TRIM6: variants seen among roughly 807,000 people sequenced by gnomAD.
TRIM6 encodes tripartite motif-containing protein 6.
TRIM6 carries 43 observed loss-of-function variants against 51.2 expected under a neutral mutation model. The ratio of observed to expected loss-of-function variants is 0.84; its 90% confidence interval spans 0.66 to 1.08. TRIM6 has a LOEUF of 1.08. Among genes scored for constraint, TRIM6 ranks in the 50% least tolerant of loss-of-function variants. TRIM6 has a pLI of 0.00. For synonymous variants in TRIM6, 215 were observed against 232.4 expected (o/e 0.93, Z 0.68); for missense variants, 669 against 619.0 (o/e 1.08, Z -0.86).
chr11:5,602,732 T>G (rs1052212882), intron 1 of TRIM6, among the ~76,000 whole-genome samples: 1 of 151,524 alleles, frequency 6.6e-6, no homozygotes, highest in Non-Finnish European at 1.5e-5. Flanking sequence ...GGCAGGAGCA[T>G]CACTTAAGGT....
Position 5,611,079 on chromosome 11 carries a change from TG to T in TRIM6, c.1291del (p.Val431Ter). ...YSRYQPQSGY[W>X]VIGLQHNHEY... is the part of the protein sequence containing the mutation. Reference sequence around the variant, plus strand: ...CAGGTATCAGCCTCAGAGTGGATACTGGGTGATTGGGTTACAGCATAACCAT... The same window carrying T: ...CAGGTATCAGCCTCAGAGTGGATACTGGTGATTGGGTTACAGCATAACCAT... On this transcript the variant is annotated frameshift_variant, in exon 8 of 8. Coordinates refer to ENST00000380097, the MANE Select transcript of TRIM6 (RefSeq NM_001003818.3). LOFTEE classifies it high-confidence loss of function. 1 of 1,614,214 alleles carries T rather than the reference TG, an allele frequency of 6.2e-7. No individual in the cohort carries two copies. Among genetic ancestry groups the T allele is most frequent in the Non-Finnish European group, 8.5e-7 (1 of 1,180,036 alleles).
chr11:5,603,518 G>T lies in TRIM6; in HGVS notation c.290G>T (p.Arg97Leu). The T allele has an allele frequency of 6.2e-7, 1 of 1,614,078 alleles. No individual in the cohort carries two copies. The highest frequency in any genetic ancestry group is 8.5e-7 in the Non-Finnish European group (1 of 1,180,024). Residue 97 changes from arginine (R) to leucine (L), a missense_variant, in exon 2 of 8, where the codon CGG (arginine) becomes CTG (leucine). Coordinates refer to ENST00000380097, the MANE Select transcript of TRIM6 (RefSeq NM_001003818.3). Reference protein sequence around the residue: ...CQTSYQPGNLRPNRHLANIVR... With the variant: ...CQTSYQPGNLLPNRHLANIVR... ...ACCAGCTACCAGCCAGGGAACCTGC[G>T]GCCTAATCGGCATCTGGCCAACATA...
intron 4 of TRIM6, 148 bp downstream of exon 4, chr11:5,605,715 T>G: frequency 1.0e-6 from 1 of 995,620 alleles, no homozygotes; most frequent in Non-Finnish European, 1.4e-6. Flanking sequence ...ATTAAACTGT[T>G]TAGAGGTATG....
At chr11:5,597,540 A>T (rs74926539) in intron 1 of TRIM6, among the ~76,000 whole-genome samples, 4,266 of 151,556 alleles carry the variant, frequency 0.028, 84 homozygotes, top group South Asian at 0.098. Flanking sequence ...ACACAAAGAT[A>T]AAAAAAAATG....
In TRIM6 at chr11:5,610,240, G is replaced by T. The variant is rs113634625; in HGVS notation, c.953G>T (p.Cys318Phe). Residue 318 changes from cysteine (C) to phenylalanine (F), a missense_variant, in exon 6 of 8, where the codon TGT (cysteine) becomes TTT (phenylalanine). Cys to Phe is a radical substitution (Grantham distance 205, BLOSUM62 -2). Transcript: ENST00000380097. ...GATCTGAAAAGGATGCTGCGAGTGT[G>T]TAGAGGTAAGGAGATTCAGGGGAAA... is the stretch of plus-strand genomic sequence containing the variant. ...APDLKRMLRV[C>F]RELTDVQSYW... The T allele has an allele frequency of 5.5e-4, 886 of 1,614,132 alleles. 5 individuals carry two copies. In the African/African-American group the frequency reaches 9.9e-3, roughly 18 times the overall value.
At chr11:5,610,683 C>T (rs989886489) in intron 7 of TRIM6, 94 bp from the exon 8 acceptor site, 2 of 1,569,730 alleles carry the variant, frequency 1.3e-6, no homozygotes, top group African/African-American at 1.4e-5. Context: ...CATATAGTTC[C>T]AGTTCCTCCA....
Position 5,611,206 on chromosome 11 carries a change from T to C in TRIM6, c.1415T>C (p.Val472Ala). ...TTCTTAGATTATGAGGCTGGTACTG[T>C]CTCCTTTTATAATGTCACAAACCAT... is the stretch of plus-strand genomic sequence containing the variant. The part of the protein sequence containing the change: ...GVFLDYEAGT[V>A]SFYNVTNHGF... Residue 472 changes from valine (V) to alanine (A), a missense_variant, in exon 8 of 8, where the codon GTC becomes GCC. By Grantham distance (64) the Val-to-Ala change is moderately conservative. Coordinates refer to ENST00000380097, the MANE Select transcript of TRIM6 (RefSeq NM_001003818.3). 6.2e-7 allele frequency: 1 copy of C among 1,614,052 alleles called. No individual in the cohort carries two copies. Among genetic ancestry groups the C allele is most frequent in the Non-Finnish European group, 8.5e-7 (1 of 1,180,012 alleles).
At position 5,610,257 on chromosome 11, in the gene TRIM6, C is replaced by T. The variant is rs756632855; in HGVS notation, c.958+12C>T. Reference sequence around the variant, plus strand: ...GCGAGTGTGTAGAGGTAAGGAGATTCAGGGGAAAGAGTTTGGATGTGAAAT... The same window carrying T: ...GCGAGTGTGTAGAGGTAAGGAGATTTAGGGGAAAGAGTTTGGATGTGAAAT... On this transcript the variant is annotated intron_variant, in intron 6 of 7. Transcript: ENST00000380097. 3.7e-6 allele frequency: 6 copies of T among 1,613,840 alleles called. No individual in the cohort carries two copies. In the South Asian group the frequency reaches 5.5e-5, roughly 15 times the overall value.
At chr11:5,600,819 G>A (rs535710442) in intron 1 of TRIM6, among the ~76,000 whole-genome samples, 49 of 152,234 alleles carry the variant, frequency 3.2e-4, no homozygotes, top group African/African-American at 1.2e-3. Context: ...TGGAACCAGG[G>A]CCAGAGCTTC....
At chr11:5,597,489 G>A (rs1431325771) in intron 1 of TRIM6, among the ~76,000 whole-genome samples, 2 of 152,098 alleles carry the variant, frequency 1.3e-5, no homozygotes, top group Non-Finnish European at 2.9e-5. Context: ...ATTGAGTCCT[G>A]TTAGATAATC....
intron 1 of TRIM6, among the ~76,000 whole-genome samples, chr11:5,599,218 G>A (rs1018179991): frequency 6.6e-6 from 1 of 152,108 alleles, no homozygotes; most frequent in Non-Finnish European, 1.5e-5. Context: ...ATTCTTTTCA[G>A]TTTGGGACTA....
chr11:5,599,617 A>C (rs528376989), intron 1 of TRIM6, among the ~76,000 whole-genome samples: 1 of 152,234 alleles, frequency 6.6e-6, no homozygotes, highest in East Asian at 1.9e-4. Flanking sequence ...GTTAGCCAGG[A>C]TGGTCTCGAT....
intron 5 of TRIM6, among the ~76,000 whole-genome samples, 185 bp from the exon 6 acceptor site, chr11:5,609,960 T>C (rs988924560): frequency 6.6e-6 from 1 of 152,116 alleles, no homozygotes; most frequent in African/African-American, 2.4e-5. Context: ...TTTATGTAGA[T>C]GGTGAGATGA....
intron 7 of TRIM6, 69 bp downstream of exon 7, chr11:5,610,630 T>C (rs755284267): frequency 1.3e-6 from 2 of 1,583,990 alleles, no homozygotes; most frequent in South Asian, 1.2e-5. Flanking sequence ...TCCCCAGACA[T>C]AGCCACACAG....
At chr11:5,601,302 C>T (rs754186820) in intron 1 of TRIM6, among the ~76,000 whole-genome samples, 7 of 152,182 alleles carry the variant, frequency 4.6e-5, no homozygotes, top group Non-Finnish European at 1.0e-4. Context: ...GCCAATTCTA[C>T]AACTTACAAG....
rs1848625807 is a variant in TRIM6, at chr11:5,612,816, G to A, written c.*1474G>A. ...TAGTCTGAATTGAGATGTGCTCAAT[G>A]TATAAAATATATACCAGATTTCAAA... is the stretch of plus-strand genomic sequence containing the variant. On this transcript the variant is annotated 3_prime_UTR_variant, in exon 8 of 8. Transcript: ENST00000380097. 1 of 152,148 alleles carries A rather than the reference G, an allele frequency of 6.6e-6. No individual in the cohort carries two copies. Among genetic ancestry groups the A allele is most frequent in the South Asian group, 2.1e-4 (1 of 4,826 alleles). The allele number at this position is 152,148 out of a possible 1,614,324, so 9.4% of individuals were successfully genotyped here.
intron 3 of TRIM6, 103 bp downstream of exon 3, chr11:5,604,732 G>C: frequency 2.4e-6 from 3 of 1,233,998 alleles, no homozygotes; most frequent in Non-Finnish European, 3.3e-6. Context: ...CTGATGCCAT[G>C]ACTAGAAGAG....
In TRIM6 at chr11:5,605,191, A is replaced by G. The variant is rs1428139736; in HGVS notation, c.604-146A>G. ...GAAAAGAAGGAAAGAACAGGCTACA[A>G]AGGCTTTCTCCTGCAGCATTTACCC... On this transcript the variant is annotated intron_variant, in intron 3 of 7. Coordinates refer to ENST00000380097, the MANE Select transcript of TRIM6 (RefSeq NM_001003818.3). The G allele has an allele frequency of 4.6e-6, 5 of 1,087,180 alleles. No individual in the cohort carries two copies. The African/African-American group carries it at 6.2e-5, about 14-fold the overall frequency. 67.3% of individuals were successfully genotyped at this position (1,087,180 alleles called of 1,614,324 possible).
At chr11:5,609,793 C>T (rs570504954) in intron 5 of TRIM6, among the ~76,000 whole-genome samples, 2 of 152,058 alleles carry the variant, frequency 1.3e-5, no homozygotes, top group African/African-American at 2.4e-5. Context: ...CGTGGTGGCA[C>T]GCGCCTGTAG....
Sources: gnomAD v4.1 joint callset for allele counts (sites outside exome capture counted in the v4.1 genomes callset) on GRCh38, gnomAD v4.1.1 for gene constraint, MANE v1.5 for transcripts, NCBI Gene and HGNC (gene_info 2026-07-23, HGNC 2026-07-21) for gene names.